The following ZGPAT variants were observed in gnomAD, a reference collection of about 807,000 sequenced individuals.
The protein encoded by ZGPAT is zinc finger CCCH-type with G patch domain-containing protein.
In ZGPAT, 39 loss-of-function variants were observed where a neutral mutation model predicts 47.9. That is an observed-to-expected ratio of 0.81 (90% CI 0.63 to 1.06). The LOEUF is 1.06. ZGPAT is among the 50% of genes least tolerant of loss of function. The pLI, the probability that ZGPAT is intolerant of heterozygous loss-of-function variation, is 0.00. For missense variants in ZGPAT, 717 were observed against 681.4 expected (o/e 1.05, Z -0.58); for synonymous variants, 348 against 292.9 (o/e 1.19, Z -1.92).
At chr20:63,734,957 G>A (rs756016391) in intron 5 of ZGPAT, 133 bp downstream of exon 5, 106 of 1,361,434 alleles carry the variant, frequency 7.8e-5, no homozygotes, top group Non-Finnish European at 1.0e-4. Flanking sequence ...CCATCCCCGT[G>A]CTCCTCAGAT....
intron 2 of ZGPAT, chr20:63,730,018 G>GCA (rs112508718): frequency 0.022 from 3,217 of 146,936 alleles, 113 homozygotes; most frequent in African/African-American, 0.064. Flanking sequence ...AGACTCTACT[G>GCA]CGCACACACA....
intron 2 of ZGPAT, among the ~76,000 whole-genome samples, chr20:63,715,715 A>C (rs1246233886): frequency 6.6e-6 from 1 of 152,186 alleles, no homozygotes; most frequent in Non-Finnish European, 1.5e-5. Flanking sequence ...TATTGGCCTC[A>C]TAGAATGAGT....
Position 63,734,695 on chromosome 20 carries a change from T to C in ZGPAT, c.872-10T>C, listed in dbSNP as rs771316530. On this transcript the variant is annotated splice_polypyrimidine_tract_variant and intron_variant, in intron 4 of 6. Transcript: ENST00000355969. ...TGCACAGTCCTCTGCCCTCTGTCCG[T>C]CTCTTGCAGTGGTGGGGTCAGATGC... The C allele has an allele frequency of 2.5e-6, 4 of 1,613,384 alleles. No individual in the cohort carries two copies. The highest frequency in any genetic ancestry group is 3.4e-6 in the Non-Finnish European group (4 of 1,179,678).
At chr20:63,720,391 A>T (rs905279555) in intron 2 of ZGPAT, among the ~76,000 whole-genome samples, 1 of 151,158 alleles carries the variant, frequency 6.6e-6, no homozygotes, top group African/African-American at 2.4e-5. Flanking sequence ...TCGTGACCTC[A>T]TGATCCTCCT....
intron 2 of ZGPAT, among the ~76,000 whole-genome samples, chr20:63,718,527 G>C (rs2091755436): frequency 6.6e-6 from 1 of 151,732 alleles, no homozygotes; most frequent in Non-Finnish European, 1.5e-5. Flanking sequence ...TAACGTGCTG[G>C]TCAGACTGGT....
chr20:63,733,835 T>A, intron 4 of ZGPAT, 96 bp downstream of exon 4: 1 of 1,498,150 alleles, frequency 6.7e-7, no homozygotes. Flanking sequence ...ACCAAACTAT[T>A]GGAGAGTGTG....
intron 2 of ZGPAT, chr20:63,730,399 G>A (rs1485356018): frequency 6.6e-6 from 1 of 152,238 alleles, no homozygotes; most frequent in South Asian, 2.1e-4. Flanking sequence ...CAAAATCCCT[G>A]TTCCACCTCA....
intron 4 of ZGPAT, chr20:63,734,039 T>C: frequency 2.5e-6 from 1 of 402,198 alleles, no homozygotes; most frequent in East Asian, 5.3e-5. Flanking sequence ...GACCAACTGA[T>C]GGGGCCTGGA....
chr20:63,721,128 G>T (rs1008418357), intron 2 of ZGPAT, among the ~76,000 whole-genome samples: 10 of 152,152 alleles, frequency 6.6e-5, no homozygotes, highest in African/African-American at 2.4e-4. Flanking sequence ...GAGGCGGGTG[G>T]ATCACTTGAG....
intron 2 of ZGPAT, among the ~76,000 whole-genome samples, chr20:63,711,729 C>A (rs543666340): frequency 6.6e-6 from 1 of 151,958 alleles, no homozygotes; most frequent in African/African-American, 2.4e-5. Flanking sequence ...ATTACAGGCG[C>A]CTGTCACCAC....
chr20:63,733,224 C>T lies in ZGPAT; in HGVS notation c.590C>T (p.Ser197Phe). 1 of 1,613,488 alleles carries T rather than the reference C, an allele frequency of 6.2e-7. No individual in the cohort carries two copies. The highest frequency in any genetic ancestry group is 1.3e-5 in the African/African-American group (1 of 75,018). Residue 197 changes from serine (S) to phenylalanine (F), a missense_variant, in exon 3 of 7, where the codon TCC (serine) becomes TTC (phenylalanine). Coordinates refer to ENST00000355969, the MANE Select transcript of ZGPAT (RefSeq NM_181485.3). ...CCTTACGGCTCTGTCTGCAGGTTCT[C>T]CCATGGGCAGGTGGTCTCTCTGGAT... is the stretch of plus-strand genomic sequence containing the variant. ...KCRFKENCRF[S>F]HGQVVSLDEL...
rs542277236 is a variant in ZGPAT at position 63,715,845 on chromosome 20, G to T, written c.584+6681G>T. ...ATACAATCATATATAGAGAGAGAGA[G>T]AGAGAGAGAGAGATGGACTTTTCTT... On this transcript the variant is annotated intron_variant, in intron 2 of 6. Transcript: ENST00000355969. Among the ~76,000 whole-genome samples, 172 of 152,170 alleles carry T rather than the reference G, an allele frequency of 1.1e-3. 2 individuals are homozygous for T. The highest frequency in any genetic ancestry group is 3.4e-3 in the African/African-American group (142 of 41,508).
chr20:63,707,905 C>CCCGCTGACCT (rs1322510000), upstream of ZGPAT: 2 of 152,800 alleles, frequency 1.3e-5, no homozygotes, highest in East Asian at 1.9e-4. Context: ...GCTGCTGACC[C>CCCGCTGACCT]CCGCTGACCT....
chr20:63,730,083 A>G (rs1037093004), intron 2 of ZGPAT: 1 of 151,936 alleles, frequency 6.6e-6, no homozygotes, highest in African/African-American at 2.4e-5. Context: ...TAAAGAGTTT[A>G]CAAATTTCAA....
At chr20:63,732,343 GA>G (rs2091916574) in intron 2 of ZGPAT, among the ~76,000 whole-genome samples, 1 of 36,222 alleles carries the variant, frequency 2.8e-5, no homozygotes, top group Non-Finnish European at 6.3e-5. Context: ...GTGTGTGGGT[GA>G]GGTGTGTGTG....
chr20:63,708,387 C>CG (rs1856334209), intron 1 of ZGPAT, among the ~76,000 whole-genome samples, 166 bp from the exon 2 acceptor site: 1 of 152,118 alleles, frequency 6.6e-6, no homozygotes, highest in South Asian at 2.1e-4. Flanking sequence ...GGAAGGGAAG[C>CG]GCGGAGCCTG....
Position 63,733,332 on chromosome 20 carries a change from GGCACGCA to G in ZGPAT, c.706_712del (p.Ala236SerfsTer18). On this transcript the variant is annotated frameshift_variant, in exon 3 of 7. Transcript: ENST00000355969. LOFTEE classifies it high-confidence loss of function. ...CTGGCCAAGCACCAGGATGGCCTCTGGCACGCAGCACGCATCACCGGTGAGGCTGGCC... is the reference window on the plus strand; with the variant it reads ...CTGGCCAAGCACCAGGATGGCCTCTGGCACGCATCACCGGTGAGGCTGGCC... 1 of 1,612,450 alleles carries G rather than the reference GGCACGCA, an allele frequency of 6.2e-7. No homozygotes were observed. The highest frequency in any genetic ancestry group is 8.5e-7 in the Non-Finnish European group (1 of 1,179,900).
At chr20:63,710,682 T>G (rs1184537963) in intron 2 of ZGPAT, among the ~76,000 whole-genome samples, 1 of 152,202 alleles carries the variant, frequency 6.6e-6, no homozygotes, top group East Asian at 1.9e-4. Context: ...TTTTTTCCAA[T>G]TATGAATACT....
intron 2 of ZGPAT, among the ~76,000 whole-genome samples, chr20:63,730,922 TTCTCTCTCTCTCTCTCTCTCTCTCTC>T (rs33915732): frequency 2.0e-4 from 25 of 124,640 alleles, no homozygotes; most frequent in African/African-American, 6.7e-4. Context: ...TTCCTCTTCA[TTCTCTCTCTCTCTCTCTCTCTCTCTC>T]TCTCTCTCTC....
Sources: allele counts gnomAD v4.1 joint callset (sites outside exome capture counted in the v4.1 genomes callset), GRCh38; gene constraint gnomAD v4.1.1; transcripts MANE v1.5; gene names NCBI Gene and HGNC (gene_info 2026-07-23, HGNC 2026-07-21).